GYG2: variants seen among roughly 807,000 people sequenced by gnomAD.
The protein encoded by GYG2 is glycogenin 2.
A neutral mutation model predicts 29.4 loss-of-function variants in GYG2; 29 were observed. The ratio of observed to expected loss-of-function variants is 0.99; its 90% CI spans 0.74 to 1.35. GYG2 has a LOEUF of 1.35. GYG2 is among the 40% of genes most tolerant of loss of function. GYG2 has a pLI of 0.00. For synonymous variants in GYG2, 167 were observed against 172.3 expected (o/e 0.97, Z 0.24); for missense variants, 370 against 385.7 (o/e 0.96, Z 0.34).
intron 3 of GYG2, among the ~76,000 whole-genome samples, chrX:2,849,701 C>T (rs1163064221): frequency 1.8e-5 from 2 of 112,087 alleles, no homozygotes; most frequent in Non-Finnish European, 3.8e-5. Context: ...GCTTTAGTAC[C>T]GTAATTTGAA....
At chrX:2,843,978 CTT>C (rs1014375920) in intron 3 of GYG2, among the ~76,000 whole-genome samples, 22 of 112,192 alleles carry the variant, frequency 2.0e-4, no homozygotes, top group African/African-American at 5.8e-4. Flanking sequence ...TTATAATTCT[CTT>C]TGTCTTTAAT....
At chrX:2,844,303 A>G (rs191307957) in intron 3 of GYG2, among the ~76,000 whole-genome samples, 255 of 111,885 alleles carry the variant, frequency 2.3e-3, no homozygotes, top group African/African-American at 7.9e-3. Flanking sequence ...GAAATAACTC[A>G]ATCCGGGTAC....
chrX:2,838,510 A>G (rs1438417109), intron 2 of GYG2, among the ~76,000 whole-genome samples: 1 of 66,640 alleles, frequency 1.5e-5, no homozygotes, highest in Non-Finnish European at 2.7e-5. Context: ...TTTGTTGCAT[A>G]CTCTCTGGGC....
chrX:2,865,470 G>A (rs1276391592), intron 8 of GYG2, among the ~76,000 whole-genome samples: 2 of 111,529 alleles, frequency 1.8e-5, no homozygotes, highest in Admixed American at 9.6e-5. Flanking sequence ...CATAATTGTC[G>A]ATGAGGTGGC....
chrX:2,843,661 G>A (rs772545868), intron 3 of GYG2, among the ~76,000 whole-genome samples: 4 of 111,737 alleles, frequency 3.6e-5, no homozygotes, highest in South Asian at 7.6e-4. Context: ...ACAGGGTCTC[G>A]CTCTGTCGCC....
intron 4 of GYG2, 136 bp downstream of exon 4, chrX:2,854,290 C>T (rs1013340227): frequency 2.2e-5 from 10 of 445,049 alleles, no homozygotes; most frequent in East Asian, 1.2e-4. Flanking sequence ...GGCACGATCT[C>T]GGCTCACTGC....
At position 2,860,083 on chromosome X, in the gene GYG2, T is replaced by TTAAAACCCG; in HGVS notation, c.837+21_837+29dup. 9.6e-7 allele frequency: 1 copy of TTAAAACCCG among 1,042,111 alleles called. No homozygotes were observed. Among genetic ancestry groups the TTAAAACCCG allele is most frequent in the Non-Finnish European group, 1.3e-6 (1 of 757,118 alleles). 85.9% of individuals were successfully genotyped at this position (1,042,111 alleles called of 1,213,427 possible). Reference sequence around the variant, plus strand: ...GTCACACAGTAAGTGGGGGATTCCCTTAAAACCCGTAGCTGAGGACGAGGA... The same window carrying TTAAAACCCG: ...GTCACACAGTAAGTGGGGGATTCCCTTAAAACCCGTAAAACCCGTAGCTGAGGACGAGGA... On this transcript the variant is annotated intron_variant, in intron 7 of 10. Transcript: ENST00000398806.
intron 8 of GYG2, among the ~76,000 whole-genome samples, chrX:2,865,500 T>C (rs373677773): frequency 9.0e-6 from 1 of 111,585 alleles, no homozygotes; most frequent in East Asian, 2.8e-4. Context: ...AATAGATATG[T>C]AGCTTCGTGT....
At chrX:2,842,303 G>T (rs996447838) in intron 2 of GYG2, among the ~76,000 whole-genome samples, 1 of 108,781 alleles carries the variant, frequency 9.2e-6, no homozygotes, top group African/African-American at 3.3e-5. Flanking sequence ...CAAGCGATCC[G>T]CCTGCCTCAG....
chrX:2,880,415 A>AGTGT (rs34658826), intron 10 of GYG2, among the ~76,000 whole-genome samples: 18 of 101,155 alleles, frequency 1.8e-4, no homozygotes, highest in African/African-American at 5.8e-4. Flanking sequence ...GTATTAAATT[A>AGTGT]GTGTGTGTGT....
chrX:2,861,632 G>T lies in GYG2; in HGVS notation c.948G>T (p.Leu316=). The part of the protein sequence containing the change: ...SAGVPCANSP[L]GSNQPAQGLP... ...GCGTGCCGTGTGCAAATTCACCACT[G>T]GGTTCTAACCAGCCTGCTCAGGGCC... Residue 316 remains leucine (L), a synonymous_variant, in exon 8 of 11, where the codon CTG becomes CTT. Coordinates refer to ENST00000398806, the MANE Select transcript of GYG2 (RefSeq NM_001079855.2). The T allele has an allele frequency of 8.3e-7, 1 of 1,207,352 alleles. No homozygotes were observed. The highest frequency in any genetic ancestry group is 1.1e-6 in the Non-Finnish European group (1 of 892,512).
intron 8 of GYG2, among the ~76,000 whole-genome samples, chrX:2,870,196 T>A (rs5982601): frequency 0.14 from 15,300 of 109,029 alleles, 939 homozygotes; most frequent in South Asian, 0.3. Context: ...TGTCTTACTT[T>A]TTTATTTATT....
intron 3 of GYG2, among the ~76,000 whole-genome samples, chrX:2,845,058 CGTGTGT>C (rs1569057320): frequency 1.9e-5 from 1 of 53,599 alleles, no homozygotes; most frequent in African/African-American, 7.2e-5. Flanking sequence ...TATATATACA[CGTGTGT>C]ATGTATATTT....
intron 8 of GYG2, among the ~76,000 whole-genome samples, chrX:2,872,495 A>ATGG (rs1236349127): frequency 8.9e-6 from 1 of 112,503 alleles, no homozygotes; most frequent in Non-Finnish European, 1.9e-5. Context: ...GCAAGGGCTG[A>ATGG]CTGAACTTCT....
intron 6 of GYG2, 92 bp from the exon 7 acceptor site, chrX:2,859,751 G>A (rs1051100493): frequency 5.7e-6 from 3 of 522,320 alleles, no homozygotes; most frequent in Non-Finnish European, 9.7e-6. Context: ...TTCAGAGGCT[G>A]TCTTTGAGGA....
At chrX:2,875,014 G>A (rs981100999) in intron 8 of GYG2, among the ~76,000 whole-genome samples, 1 of 112,033 alleles carries the variant, frequency 8.9e-6, no homozygotes, top group Admixed American at 9.5e-5. Flanking sequence ...TGACCTGATG[G>A]GGGCCCCAGT....
chrX:2,846,569 C>A (rs1280048515), intron 3 of GYG2, among the ~76,000 whole-genome samples: 1 of 109,568 alleles, frequency 9.1e-6, no homozygotes, highest in Non-Finnish European at 1.9e-5. Context: ...CATAGCAAGA[C>A]CCTATCTCTA....
At position 2,856,489 on chromosome X, in the gene GYG2, A is replaced by G. The variant is rs1289264075; in HGVS notation, c.488-9A>G. On this transcript the variant is annotated splice_polypyrimidine_tract_variant and intron_variant, in intron 5 of 10. Coordinates refer to ENST00000398806, the MANE Select transcript of GYG2 (RefSeq NM_001079855.2). ...TGCTAACCTGCTTTTGTGTTTGCTC[A>G]TTATGTAGGGGCAGACCAAGGCTTA... 1.7e-6 allele frequency: 2 copies of G among 1,208,316 alleles called. No homozygotes were observed. The highest frequency in any genetic ancestry group is 2.2e-6 in the Non-Finnish European group (2 of 893,816).
At chrX:2,856,740 C>CTAAG in intron 6 of GYG2, 116 bp downstream of exon 6, 9 of 377,904 alleles carry the variant, frequency 2.4e-5, no homozygotes, top group Non-Finnish European at 4.0e-5. Flanking sequence ...TATCTATCAT[C>CTAAG]TATCTATCTA....
Sources: gnomAD v4.1 joint callset for allele counts (sites outside exome capture counted in the v4.1 genomes callset) on GRCh38, gnomAD v4.1.1 for gene constraint, MANE v1.5 for transcripts, NCBI Gene and HGNC (gene_info 2026-07-23, HGNC 2026-07-21) for gene names.